Variants in TMEM132D observed in about 807,000 individuals in gnomAD.
The protein encoded by TMEM132D is mature OL transmembrane protein.
In TMEM132D, 21 loss-of-function variants were observed where a neutral mutation model predicts 62.3. That is an observed-to-expected ratio of 0.34 (90% CI 0.24 to 0.49). The LOEUF (loss-of-function observed/expected upper bound fraction) is 0.49. Ranked by LOEUF, TMEM132D falls within the 20% of genes least tolerant of loss-of-function variation. TMEM132D has a pLI of 0.99. For missense variants in TMEM132D, 1,346 were observed against 1,402.8 expected, an observed-to-expected ratio of 0.96 and a Z score of 0.65; for synonymous variants, 621 against 575.6, an observed-to-expected ratio of 1.08 and a Z score of -1.13.
At chr12:129,534,548 T>C (rs1428996595) in intron 2 of TMEM132D, among the ~76,000 whole-genome samples, 1 of 152,168 alleles carries the variant, frequency 6.6e-6, no homozygotes, top group Non-Finnish European at 1.5e-5. Context: ...TTCAGAAATG[T>C]GGTGCGCAAT....
At chr12:129,457,661 G>T (rs1021100641) in intron 3 of TMEM132D, among the ~76,000 whole-genome samples, 3 of 152,088 alleles carry the variant, frequency 2.0e-5, no homozygotes, top group Non-Finnish European at 4.4e-5. Context: ...ATGGCTGGGA[G>T]GCCCCAGGAA....
Position 129,717,884 on chromosome 12 carries a change from G to A in TMEM132D, c.80-17186C>T, listed in dbSNP as rs545280616. On this transcript the variant is annotated intron_variant, in intron 1 of 8. Coordinates refer to ENST00000422113, the MANE Select transcript of TMEM132D (RefSeq NM_133448.3). ...AGTTGTGAATGTCTCAAGTGCGCTC[G>A]TGCTGGTGGAGCTGAAGTCCAGTCT... Among the ~76,000 whole-genome samples the A allele has an allele frequency of 2.2e-4, 34 of 152,286 alleles. 1 individual carries two copies. Among genetic ancestry groups the A allele is most frequent in the Admixed American group, 7.8e-4 (12 of 15,298 alleles).
chr12:129,171,401 A>G (rs1877724276), intron 5 of TMEM132D, among the ~76,000 whole-genome samples: 1 of 152,200 alleles, frequency 6.6e-6, no homozygotes, highest in Non-Finnish European at 1.5e-5. Flanking sequence ...GGCTGGAAAC[A>G]ACTAAGTTCT....
At chr12:129,251,357 C>CAAA (rs59666716) in intron 4 of TMEM132D, among the ~76,000 whole-genome samples, 4 of 79,780 alleles carry the variant, frequency 5.0e-5, no homozygotes, top group East Asian at 4.1e-4. Flanking sequence ...GACACTGTCT[C>CAAA]AAAAAAAAAA....
At chr12:129,870,047 G>A (rs1193909078) in intron 1 of TMEM132D, among the ~76,000 whole-genome samples, 2 of 152,158 alleles carry the variant, frequency 1.3e-5, no homozygotes, top group Non-Finnish European at 2.9e-5. Flanking sequence ...GGAGTGCAGA[G>A]GTGTGATCAT....
chr12:129,131,766 C>T (rs922327498), intron 5 of TMEM132D, among the ~76,000 whole-genome samples: 6 of 152,154 alleles, frequency 3.9e-5, no homozygotes, highest in Admixed American at 6.5e-5. Flanking sequence ...CCATCACACT[C>T]GACTTTTCTG....
intron 1 of TMEM132D, among the ~76,000 whole-genome samples, chr12:129,817,051 G>A (rs1425826344): frequency 2.0e-5 from 3 of 152,184 alleles, no homozygotes; most frequent in Non-Finnish European, 4.4e-5. Context: ...AATAGAAATG[G>A]GTTCTATGAA....
chr12:129,365,510 CG>C (rs1870378186), intron 3 of TMEM132D, among the ~76,000 whole-genome samples: 1 of 151,902 alleles, frequency 6.6e-6, no homozygotes, highest in South Asian at 2.1e-4. Context: ...AAGCAGTCAA[CG>C]GGGTAGCATT....
intron 2 of TMEM132D, among the ~76,000 whole-genome samples, chr12:129,617,152 G>A (rs1362857328): frequency 1.3e-5 from 2 of 152,220 alleles, no homozygotes; most frequent in African/African-American, 2.4e-5. Context: ...TCCCATGGGT[G>A]TGAGTGAAGC....
intron 5 of TMEM132D, among the ~76,000 whole-genome samples, chr12:129,128,440 AG>A (rs1448995152): frequency 6.6e-6 from 1 of 152,088 alleles, no homozygotes; most frequent in Non-Finnish European, 1.5e-5. Context: ...GGAGCGAGAG[AG>A]TGACTGGGGA....
intron 3 of TMEM132D, among the ~76,000 whole-genome samples, chr12:129,491,125 A>G (rs570986286): frequency 6.6e-6 from 1 of 152,274 alleles, no homozygotes; most frequent in East Asian, 1.9e-4. Flanking sequence ...CCCTTCTGGT[A>G]CCATCACCTA....
At chr12:129,790,618 C>T (rs1871376396) in intron 1 of TMEM132D, among the ~76,000 whole-genome samples, 1 of 152,080 alleles carries the variant, frequency 6.6e-6, no homozygotes. Flanking sequence ...TTTTACGGCA[C>T]AGGATGGGGG....
intron 1 of TMEM132D, among the ~76,000 whole-genome samples, chr12:129,845,290 G>A (rs943378398): frequency 8.5e-5 from 13 of 152,166 alleles, no homozygotes; most frequent in African/African-American, 3.1e-4. Flanking sequence ...GCAGATTTAT[G>A]TTCCTGAGAA....
At chr12:129,195,108 G>A (rs1224432848) in intron 5 of TMEM132D, among the ~76,000 whole-genome samples, 1 of 152,168 alleles carries the variant, frequency 6.6e-6, no homozygotes, top group East Asian at 1.9e-4. Context: ...AAAAAACATA[G>A]GGCAGGGAAG....
rs368511276 is a variant in TMEM132D at position 129,811,344 on chromosome 12, G to A, written c.79+91917C>T. On this transcript the variant is annotated intron_variant, in intron 1 of 8. Transcript: ENST00000422113. ...CCTCCTTGGAGGCTCACACCCAGCA[G>A]ACTTCATCCTGCTTCTGCCTCCAGC... Among the ~76,000 whole-genome samples the A allele has an allele frequency of 3.0e-3, 455 of 151,656 alleles. 8 individuals are homozygous for A. Among genetic ancestry groups the A allele is most frequent in the African/African-American group, 0.011 (435 of 41,382 alleles).
chr12:129,178,120 C>T (rs560094366), intron 5 of TMEM132D, among the ~76,000 whole-genome samples: 209 of 152,332 alleles, frequency 1.4e-3, no homozygotes, highest in African/African-American at 4.8e-3. Context: ...TTTATGGCTG[C>T]ATAGTATTCC....
intron 3 of TMEM132D, among the ~76,000 whole-genome samples, chr12:129,504,167 C>T (rs144950568): frequency 5.9e-5 from 9 of 152,242 alleles, no homozygotes; most frequent in Admixed American, 2.0e-4. Flanking sequence ...ATCACCATCA[C>T]CATCATCATC....
chr12:129,718,083 T>TC (rs1158262397), intron 1 of TMEM132D, among the ~76,000 whole-genome samples: 5 of 152,230 alleles, frequency 3.3e-5, no homozygotes, highest in African/African-American at 4.8e-5. Context: ...CCTGAGCAGC[T>TC]CCAGGTTGAT....
chr12:129,489,276 G>A (rs970061311), intron 3 of TMEM132D, among the ~76,000 whole-genome samples: 2 of 152,114 alleles, frequency 1.3e-5, no homozygotes, highest in Non-Finnish European at 2.9e-5. Context: ...TCCACCCTGG[G>A]CTCAGAGCCA....
Sources: allele counts gnomAD v4.1 joint callset (sites outside exome capture counted in the v4.1 genomes callset), GRCh38; gene constraint gnomAD v4.1.1; transcripts MANE v1.5; gene names NCBI Gene and HGNC (gene_info 2026-07-23, HGNC 2026-07-21).